LRBA: variants seen among roughly 807,000 people sequenced by gnomAD.
LRBA encodes the protein LPS responsive beige-like anchor protein, also known as lipopolysaccharide-responsive and beige-like anchor protein.
Under a neutral mutation model 330.0 loss-of-function variants are expected in LRBA, and 176 were observed. That is an observed-to-expected ratio of 0.53 (90% CI 0.47 to 0.60). The LOEUF (loss-of-function observed/expected upper bound fraction) is 0.60. Among genes scored for constraint, LRBA ranks in the 20% least tolerant of loss-of-function variants. LRBA has a pLI of 0.00. For missense variants in LRBA, 3,259 were observed against 3,444.8 expected, an observed-to-expected ratio of 0.95 and a Z score of 1.35; for synonymous variants, 1,230 against 1,193.0, an observed-to-expected ratio of 1.03 and a Z score of -0.64.
chr4:150,992,307 C>T (rs1742178974), intron 2 of LRBA, among the ~76,000 whole-genome samples: 1 of 119,202 alleles, frequency 8.4e-6, no homozygotes, highest in Admixed American at 1.0e-4. Context: ...CAGAGCGAGA[C>T]TCCGTCTCAA....
chr4:150,582,902 T>G (rs1771576694), intron 40 of LRBA: 1 of 1,156,344 alleles, frequency 8.6e-7, no homozygotes, highest in Non-Finnish European at 1.2e-6. Context: ...AAAACGAGAG[T>G]GAAAGTAGGG....
At chr4:150,500,820 T>C (rs569799328) in intron 40 of LRBA, among the ~76,000 whole-genome samples, 2 of 152,228 alleles carry the variant, frequency 1.3e-5, no homozygotes, top group South Asian at 2.1e-4. Context: ...AAAAGCAAAA[T>C]GGAAAGGAAA....
At chr4:150,441,061 T>A (rs1200822102) in intron 44 of LRBA, among the ~76,000 whole-genome samples, 2 of 152,084 alleles carry the variant, frequency 1.3e-5, no homozygotes, top group African/African-American at 4.8e-5. Flanking sequence ...ATTTTGCTAG[T>A]TAACAAAATC....
At chr4:150,998,504 C>T (rs972918312) in intron 2 of LRBA, among the ~76,000 whole-genome samples, 1 of 152,054 alleles carries the variant, frequency 6.6e-6, no homozygotes, top group Non-Finnish European at 1.5e-5. Flanking sequence ...CAGGCACACA[C>T]TACCACGTAG....
intron 48 of LRBA, among the ~76,000 whole-genome samples, chr4:150,327,376 C>T (rs1017397540): frequency 1.3e-5 from 2 of 152,152 alleles, no homozygotes; most frequent in African/African-American, 4.8e-5. Context: ...GCTATCATTG[C>T]ACCACTGCAC....
At chr4:150,901,775 A>G (rs937861940) in intron 13 of LRBA, among the ~76,000 whole-genome samples, 1 of 152,224 alleles carries the variant, frequency 6.6e-6, no homozygotes, top group East Asian at 1.9e-4. Flanking sequence ...ATATGTATCT[A>G]TACACATACA....
intron 35 of LRBA, among the ~76,000 whole-genome samples, chr4:150,757,046 C>A (rs1425977724): frequency 2.6e-5 from 4 of 151,958 alleles, no homozygotes; most frequent in East Asian, 1.9e-4. Flanking sequence ...TAACTGAAAT[C>A]TTTTATTATA....
At chr4:150,474,079 T>C (rs577425121) in intron 42 of LRBA, among the ~76,000 whole-genome samples, 6 of 152,194 alleles carry the variant, frequency 3.9e-5, no homozygotes, top group Non-Finnish European at 5.9e-5. Context: ...TTTTCTCCTA[T>C]GTTTTCTTTC....
chr4:151,008,330 C>G (rs373984040), intron 2 of LRBA, among the ~76,000 whole-genome samples: 15 of 152,070 alleles, frequency 9.9e-5, no homozygotes, highest in African/African-American at 3.4e-4. Context: ...ATCCACCTGC[C>G]TCAGCCTCTC....
At chr4:150,640,936 C>T (rs1355649515) in intron 37 of LRBA, among the ~76,000 whole-genome samples, 1 of 152,104 alleles carries the variant, frequency 6.6e-6, no homozygotes, top group Non-Finnish European at 1.5e-5. Flanking sequence ...TGTCTACAAC[C>T]ACTCTCTATC....
chr4:150,989,962 G>A (rs1367584241), intron 2 of LRBA, among the ~76,000 whole-genome samples: 1 of 151,560 alleles, frequency 6.6e-6, no homozygotes, highest in Middle Eastern at 3.2e-3. Flanking sequence ...CCATCTCTAT[G>A]AAAAAAAATT....
chr4:150,627,568 T>C (rs1030056847), intron 37 of LRBA, among the ~76,000 whole-genome samples: 5 of 151,900 alleles, frequency 3.3e-5, no homozygotes, highest in Non-Finnish European at 7.4e-5. Flanking sequence ...TTCCCAAAAC[T>C]AAATAGAAAG....
chr4:150,463,431 T>C (rs1252013505), intron 44 of LRBA, among the ~76,000 whole-genome samples: 1 of 152,028 alleles, frequency 6.6e-6, no homozygotes, highest in Non-Finnish European at 1.5e-5. Context: ...GCCATTACAA[T>C]TGAAGTCACA....
intron 36 of LRBA, among the ~76,000 whole-genome samples, chr4:150,727,779 A>T (rs1729901933): frequency 6.6e-6 from 1 of 152,138 alleles, no homozygotes; most frequent in Admixed American, 6.5e-5. Flanking sequence ...ATCTTCAAAT[A>T]AATAACCTAA....
intron 48 of LRBA, among the ~76,000 whole-genome samples, chr4:150,341,772 A>T (rs1320344232): frequency 6.6e-6 from 1 of 151,374 alleles, no homozygotes; most frequent in Non-Finnish European, 1.5e-5. Context: ...TTTTTAAAAA[A>T]ATATATTTCT....
chr4:150,442,339 G>C (rs1751953592), intron 44 of LRBA, among the ~76,000 whole-genome samples: 1 of 152,162 alleles, frequency 6.6e-6, no homozygotes. Context: ...TAGGGTGCTT[G>C]AAAATGCTTA....
At chr4:150,944,640 T>C (rs892014403) in intron 2 of LRBA, among the ~76,000 whole-genome samples, 3 of 151,984 alleles carry the variant, frequency 2.0e-5, no homozygotes, top group South Asian at 2.1e-4. Flanking sequence ...CAAAAAGATA[T>C]AGCCAGGCTT....
Position 150,952,274 on chromosome 4 carries a change from G to A in LRBA, c.217-23209C>T, listed in dbSNP as rs536509378. Among the ~76,000 whole-genome samples, 230 of 150,018 alleles carry A rather than the reference G, an allele frequency of 1.5e-3. 1 individual carries two copies. Among genetic ancestry groups the A allele is most frequent in the Non-Finnish European group, 3.0e-3 (206 of 67,836 alleles). ...TGTATATGTGTGTGTGTGTGTGTGT[G>A]TATGTCTATAGAGAGAGAGATAGGT... On this transcript the variant is annotated intron_variant, in intron 2 of 56. Transcript: ENST00000651943.
chr4:151,014,315 T>C (rs1042519973), intron 2 of LRBA, 112 bp downstream of exon 2: 9 of 759,320 alleles, frequency 1.2e-5, no homozygotes, highest in African/African-American at 1.1e-4. Context: ...TGTGTCCCTA[T>C]ACACGAAAAA....
Sources: gnomAD v4.1 joint callset for allele counts (sites outside exome capture counted in the v4.1 genomes callset) on GRCh38, gnomAD v4.1.1 for gene constraint, MANE v1.5 for transcripts, NCBI Gene and HGNC (gene_info 2026-07-23, HGNC 2026-07-21) for gene names.